DLC1: variants seen among roughly 807,000 people sequenced by gnomAD.
The protein encoded by DLC1 is DLC1 Rho GTPase activating protein, also known as rho GTPase-activating protein 7.
Under a neutral mutation model 140.3 loss-of-function variants are expected in DLC1, and 54 were observed. The ratio of observed to expected loss-of-function variants is 0.38; its 90% CI spans 0.31 to 0.48. The LOEUF is 0.48. Ranked by LOEUF, DLC1 falls within the 20% of genes least tolerant of loss-of-function variation. The probability of loss-of-function intolerance (pLI) is 0.96; values close to 1 mark genes in which losing one functional copy is unlikely to be tolerated. For missense variants in DLC1, 2,536 were observed against 1,907.0 expected, an observed-to-expected ratio of 1.33 and a Z score of -6.14; for synonymous variants, 986 against 728.1, an observed-to-expected ratio of 1.35 and a Z score of -5.70.
chr8:13,228,432 A>T (rs73560324), intron 5 of DLC1, among the ~76,000 whole-genome samples: 2,259 of 152,298 alleles, frequency 0.015, 62 homozygotes, highest in African/African-American at 0.051. Flanking sequence ...CAATTATAAA[A>T]AGACAAACCA....
At chr8:13,548,032 A>G (rs111743228) in intron 1 of DLC1, among the ~76,000 whole-genome samples, 3 of 152,078 alleles carry the variant, frequency 2.0e-5, no homozygotes, top group Non-Finnish European at 4.4e-5. Flanking sequence ...TATTGTAATT[A>G]TCTCTGTATC....
At chr8:13,421,616 G>C (rs950163746) in intron 2 of DLC1, among the ~76,000 whole-genome samples, 1 of 152,134 alleles carries the variant, frequency 6.6e-6, no homozygotes, top group African/African-American at 2.4e-5. Context: ...TTGTGTCCTT[G>C]CAGGAGTTAG....
intron 5 of DLC1, among the ~76,000 whole-genome samples, chr8:13,269,063 C>A (rs1168809172): frequency 2.6e-5 from 4 of 151,740 alleles, no homozygotes; most frequent in Non-Finnish European, 5.9e-5. Context: ...TTAGTAGAGA[C>A]GGGGTTTCAC....
chr8:13,583,488 A>G (rs191419937), intron 1 of DLC1, among the ~76,000 whole-genome samples: 1 of 152,308 alleles, frequency 6.6e-6, no homozygotes, highest in East Asian at 1.9e-4. Context: ...TATTTCTATC[A>G]TATCTGCGAC....
At chr8:13,151,533 C>A (rs1823811509) in intron 5 of DLC1, among the ~76,000 whole-genome samples, 3 of 152,120 alleles carry the variant, frequency 2.0e-5, no homozygotes, top group Non-Finnish European at 2.9e-5. Context: ...TGGAATTAGT[C>A]AGTCTAGAAA....
chr8:13,089,540 G>C (rs1487628552), intron 15 of DLC1, among the ~76,000 whole-genome samples: 1 of 151,308 alleles, frequency 6.6e-6, no homozygotes, highest in African/African-American at 2.4e-5. Context: ...CAAGAGAATA[G>C]CTTGAAACCG....
intron 5 of DLC1, among the ~76,000 whole-genome samples, chr8:13,189,362 C>T (rs951294018): frequency 4.6e-5 from 7 of 152,142 alleles, no homozygotes; most frequent in African/African-American, 1.2e-4. Context: ...CCTGTAATCC[C>T]AGCACTTTGG....
intron 5 of DLC1, among the ~76,000 whole-genome samples, chr8:13,282,111 A>G (rs761934148): frequency 6.6e-6 from 1 of 152,196 alleles, no homozygotes; most frequent in Non-Finnish European, 1.5e-5. Context: ...CAACAACTCT[A>G]CTGGGCTAGA....
At chr8:13,247,599 G>T (rs1829820762) in intron 5 of DLC1, among the ~76,000 whole-genome samples, 1 of 152,118 alleles carries the variant, frequency 6.6e-6, no homozygotes, top group Non-Finnish European at 1.5e-5. Context: ...ACAGAATGGA[G>T]ATCTAAATCC....
At chr8:13,577,852 G>T (rs13257017) in intron 1 of DLC1, among the ~76,000 whole-genome samples, 1 of 151,868 alleles carries the variant, frequency 6.6e-6, no homozygotes, top group Non-Finnish European at 1.5e-5. Flanking sequence ...TTATCTTTAA[G>T]GTTAGGGGCT....
chr8:13,400,025 A>G (rs1837224905), intron 3 of DLC1, among the ~76,000 whole-genome samples: 1 of 152,190 alleles, frequency 6.6e-6, no homozygotes, highest in African/African-American at 2.4e-5. Flanking sequence ...TTATTCCACT[A>G]CACAATTATC....
At chr8:13,447,467 A>G (rs576193119) in intron 2 of DLC1, among the ~76,000 whole-genome samples, 1 of 152,290 alleles carries the variant, frequency 6.6e-6, no homozygotes, top group South Asian at 2.1e-4. Flanking sequence ...TTTTATTGTT[A>G]TTAACCAGAT....
intron 5 of DLC1, among the ~76,000 whole-genome samples, chr8:13,187,249 G>A (rs1248154442): frequency 6.6e-6 from 1 of 152,100 alleles, no homozygotes; most frequent in Non-Finnish European, 1.5e-5. Context: ...CCTGTAGAAT[G>A]TAAGGTCTAT....
intron 1 of DLC1, among the ~76,000 whole-genome samples, chr8:13,533,379 C>T (rs1347704493): frequency 6.6e-6 from 1 of 152,100 alleles, no homozygotes; most frequent in East Asian, 1.9e-4. Flanking sequence ...TTTGAAGCCC[C>T]AGTCAACAAC....
chr8:13,287,885 T>C (rs1831591759), intron 5 of DLC1, among the ~76,000 whole-genome samples: 1 of 151,896 alleles, frequency 6.6e-6, no homozygotes, highest in Non-Finnish European at 1.5e-5. Flanking sequence ...TATCTAGCTT[T>C]TTTTTTTTAG....
chr8:13,245,276 T>A (rs992396900), intron 5 of DLC1, among the ~76,000 whole-genome samples: 2 of 152,194 alleles, frequency 1.3e-5, no homozygotes, highest in African/African-American at 4.8e-5. Flanking sequence ...TAAAGACACC[T>A]CTATGTGATT....
chr8:13,479,527 G>T (rs893032277), intron 2 of DLC1, among the ~76,000 whole-genome samples: 1 of 152,132 alleles, frequency 6.6e-6, no homozygotes, highest in African/African-American at 2.4e-5. Context: ...AAAAGTTATG[G>T]CTTCTCAGAT....
At chr8:13,471,920 T>A (rs115709908) in intron 2 of DLC1, among the ~76,000 whole-genome samples, 2,355 of 152,274 alleles carry the variant, frequency 0.015, 57 homozygotes, top group African/African-American at 0.054. Flanking sequence ...GGAGCAGCCA[T>A]GGAGCTCTCC....
At chr8:13,479,358 G>A (rs1800578045) in intron 2 of DLC1, among the ~76,000 whole-genome samples, 1 of 151,948 alleles carries the variant, frequency 6.6e-6, no homozygotes, top group South Asian at 2.1e-4. Context: ...AATAAGCAAA[G>A]CAAAAATACA....
Sources: allele counts gnomAD v4.1 joint callset (sites outside exome capture counted in the v4.1 genomes callset), GRCh38; gene constraint gnomAD v4.1.1; transcripts MANE v1.5; gene names NCBI Gene and HGNC (gene_info 2026-07-23, HGNC 2026-07-21).